Variants in MAML2 observed in about 807,000 individuals in gnomAD.
The protein encoded by MAML2 is mastermind like transcriptional coactivator 2.
A neutral mutation model predicts 96.1 loss-of-function variants in MAML2; 22 were observed. The ratio of observed to expected loss-of-function variants is 0.23; its 90% CI spans 0.16 to 0.33. The LOEUF (loss-of-function observed/expected upper bound fraction) is 0.33. MAML2 is among the 10% of genes least tolerant of loss of function. The probability of loss-of-function intolerance (pLI) is 1.00; values close to 1 mark genes in which losing one functional copy is unlikely to be tolerated. For missense variants in MAML2, 1,367 were observed against 1,392.4 expected (o/e 0.98, Z 0.29); for synonymous variants, 561 against 521.3 (o/e 1.08, Z -1.04).
intron 1 of MAML2, among the ~76,000 whole-genome samples, chr11:96,309,648 A>G (rs575686815): frequency 6.6e-6 from 1 of 152,038 alleles, no homozygotes; most frequent in South Asian, 2.1e-4. Context: ...CTTGGATTCT[A>G]GTGCCCAAGG....
At position 95,977,743 on chromosome 11, in the gene MAML2, T is replaced by C. The variant is rs1857669615; in HGVS notation, c.*1205A>G. 4.5e-6 allele frequency: 1 copy of C among 223,870 alleles called. No homozygotes were observed. Among genetic ancestry groups the C allele is most frequent in the African/African-American group, 2.2e-5 (1 of 44,874 alleles). 13.9% of individuals were successfully genotyped at this position (223,870 alleles called of 1,614,324 possible). ...GAGTCCATCTAGCATGTGGCAATGA[T>C]TCATCACATCAGGGACAAAAGAACA... On this transcript the variant is annotated 3_prime_UTR_variant, in exon 5 of 5. Coordinates refer to ENST00000524717, the MANE Select transcript of MAML2 (RefSeq NM_032427.4).
At position 95,978,216 on chromosome 11, in the gene MAML2, T is replaced by C. The variant is rs1193967799; in HGVS notation, c.*732A>G. On this transcript the variant is annotated 3_prime_UTR_variant, in exon 5 of 5. Transcript: ENST00000524717. The stretch of plus-strand genomic sequence containing the variant: ...ATGATTAGGACAAGTCTTTGTTATA[T>C]CTAAAATTTCATTTGGAATGGATTC... 1 of 208,918 alleles carries C rather than the reference T, an allele frequency of 4.8e-6. No homozygotes were observed. The highest frequency in any genetic ancestry group is 1.9e-4 in the South Asian group (1 of 5,306). The allele number at this position is 208,918 out of a possible 1,614,324, so 12.9% of individuals were successfully genotyped here.
Position 96,092,849 on chromosome 11 carries a change from G to A in MAML2, c.1182C>T (p.Ala394=). Residue 394 remains alanine (A), a synonymous_variant, in exon 2 of 5, where the codon GCC becomes GCT. Coordinates refer to ENST00000524717, the MANE Select transcript of MAML2 (RefSeq NM_032427.4). This position sits in a 1 kb window ranked among gnomAD's most constrained non-coding sequence, Gnocchi z 4.1. ...GAGACGAAGTGGAGAGGGCAGAGTTGGCCATGGAGAATGCGGGGCCAGCTG... is the reference window on the plus strand; with the variant it reads ...GAGACGAAGTGGAGAGGGCAGAGTTAGCCATGGAGAATGCGGGGCCAGCTG... ...PPSAGPAFSM[A]NSALSTSSPI... 1 of 1,608,062 alleles carries A rather than the reference G, an allele frequency of 6.2e-7. No individual in the cohort carries two copies. The highest frequency in any genetic ancestry group is 8.5e-7 in the Non-Finnish European group (1 of 1,176,532).
At position 96,093,195 on chromosome 11, in the gene MAML2, A is replaced by C; in HGVS notation, c.836T>G (p.Met279Arg). ...PGETLSCSKH[M>R]DGQMTQENIF... Reference sequence around the variant, plus strand: ...ATTCTCTTGGGTCATTTGGCCATCCATGTGCTTACTGCAAGACAGAGTCTC... The same window carrying C: ...ATTCTCTTGGGTCATTTGGCCATCCCTGTGCTTACTGCAAGACAGAGTCTC... The change falls in exon 2 of 5, where the codon ATG (methionine) becomes AGG (arginine). Residue 279 changes from methionine (M) to arginine (R), a missense_variant. Met to Arg is a moderately conservative substitution (Grantham distance 91). Coordinates refer to ENST00000524717, the MANE Select transcript of MAML2 (RefSeq NM_032427.4). 6.2e-7 allele frequency: 1 copy of C among 1,614,028 alleles called. No individual in the cohort carries two copies. Among genetic ancestry groups the C allele is most frequent in the Non-Finnish European group, 8.5e-7 (1 of 1,179,912 alleles).
At chr11:96,181,065 C>T (rs1591058856) in intron 1 of MAML2, among the ~76,000 whole-genome samples, 1 of 152,080 alleles carries the variant, frequency 6.6e-6, no homozygotes, top group East Asian at 1.9e-4. Context: ...AAGGACCGGC[C>T]ATTTACACTT....
At chr11:96,296,433 G>A (rs1032990949) in intron 1 of MAML2, among the ~76,000 whole-genome samples, 12 of 152,176 alleles carry the variant, frequency 7.9e-5, no homozygotes, top group Non-Finnish European at 2.9e-5. Flanking sequence ...TCCGAGGCTA[G>A]GAGTTCGAGA....
At chr11:96,260,623 C>A (rs1463406218) in intron 1 of MAML2, among the ~76,000 whole-genome samples, 1 of 152,142 alleles carries the variant, frequency 6.6e-6, no homozygotes, top group African/African-American at 2.4e-5. Context: ...GAGAGAAAGG[C>A]ATAGAGAATC....
intron 2 of MAML2, among the ~76,000 whole-genome samples, chr11:95,997,052 T>C (rs1366969677): frequency 6.6e-6 from 1 of 152,142 alleles, no homozygotes; most frequent in Non-Finnish European, 1.5e-5. Context: ...AACCCAGTTT[T>C]CTAGACAAAC....
chr11:96,322,376 GCTAT>G (rs1242233663), intron 1 of MAML2, among the ~76,000 whole-genome samples: 8 of 152,216 alleles, frequency 5.3e-5, no homozygotes, highest in African/African-American at 1.7e-4. Flanking sequence ...GAGTTCAGCT[GCTAT>G]CTGAGGACTG....
intron 1 of MAML2, among the ~76,000 whole-genome samples, chr11:96,187,464 C>T (rs1215028050): frequency 6.6e-6 from 1 of 152,176 alleles, no homozygotes; most frequent in Non-Finnish European, 1.5e-5. Flanking sequence ...CCCAGGTTGT[C>T]TTGGAAGTAA....
intron 1 of MAML2, among the ~76,000 whole-genome samples, chr11:96,310,788 T>G (rs977049415): frequency 1.3e-5 from 2 of 152,244 alleles, no homozygotes; most frequent in Non-Finnish European, 2.9e-5. Context: ...TCAACTCTTC[T>G]GCGTCCAGTG....
At chr11:96,217,908 T>C (rs1055151812) in intron 1 of MAML2, among the ~76,000 whole-genome samples, 1 of 152,244 alleles carries the variant, frequency 6.6e-6, no homozygotes, top group African/African-American at 2.4e-5. Flanking sequence ...CTATCTAGGC[T>C]TAGCAGATGC....
At chr11:96,211,384 A>T (rs529718601) in intron 1 of MAML2, among the ~76,000 whole-genome samples, 2 of 152,072 alleles carry the variant, frequency 1.3e-5, no homozygotes, top group Middle Eastern at 3.4e-3. Context: ...TTACTTCAAC[A>T]ACTATTTACT....
At chr11:96,276,158 C>T (rs1442479888) in intron 1 of MAML2, among the ~76,000 whole-genome samples, 1 of 152,154 alleles carries the variant, frequency 6.6e-6, no homozygotes, top group African/African-American at 2.4e-5. Flanking sequence ...AAAGCAGCTA[C>T]CGGTTTCCTG....
At chr11:96,255,865 CTTTTTTT>C (rs141609329) in intron 1 of MAML2, among the ~76,000 whole-genome samples, 1 of 77,918 alleles carries the variant, frequency 1.3e-5, no homozygotes, top group Non-Finnish European at 2.3e-5. Context: ...CCCCCACCGC[CTTTTTTT>C]TTTTTTTTTT....
At chr11:96,063,610 A>T (rs1373257048) in intron 2 of MAML2, among the ~76,000 whole-genome samples, 1 of 152,186 alleles carries the variant, frequency 6.6e-6, no homozygotes, top group African/African-American at 2.4e-5. Flanking sequence ...ACTCCTATTT[A>T]TAGAAAAGAG....
intron 1 of MAML2, among the ~76,000 whole-genome samples, chr11:96,231,090 G>A (rs1862286868): frequency 6.6e-6 from 1 of 152,176 alleles, no homozygotes; most frequent in Non-Finnish European, 1.5e-5. Context: ...TGAATAATCT[G>A]GATTGGTATC....
intron 1 of MAML2, among the ~76,000 whole-genome samples, chr11:96,223,042 G>A (rs1377445154): frequency 6.6e-6 from 1 of 151,850 alleles, no homozygotes; most frequent in Non-Finnish European, 1.5e-5. Flanking sequence ...TTACATTTTT[G>A]ATGAAAATAA....
At chr11:96,299,189 T>A (rs1305089826) in intron 1 of MAML2, among the ~76,000 whole-genome samples, 1 of 149,802 alleles carries the variant, frequency 6.7e-6, no homozygotes. Context: ...CTGCCCAAAT[T>A]CACAAAGTGG....
Sources: allele counts gnomAD v4.1 joint callset (sites outside exome capture counted in the v4.1 genomes callset), GRCh38; gene constraint gnomAD v4.1.1; non-coding constraint Gnocchi (gnomAD v3.1); transcripts MANE v1.5; gene names NCBI Gene and HGNC (gene_info 2026-07-23, HGNC 2026-07-21).